Variants in ZNF131 observed in about 807,000 individuals in gnomAD.
ZNF131 encodes the protein zinc finger protein 131.
ZNF131 carries 7 observed loss-of-function variants against 60.0 expected under a neutral mutation model. The ratio of observed to expected loss-of-function variants is 0.12; its 90% CI spans 0.07 to 0.22. The LOEUF is 0.22. Among genes scored for constraint, ZNF131 ranks in the 10% least tolerant of loss-of-function variants. The pLI is 1.00. For synonymous variants in ZNF131, 257 were observed against 253.2 expected (o/e 1.01, Z -0.14); for missense variants, 493 against 740.9 (o/e 0.67, Z 3.88).
chr5:43,142,216 G>A (rs1368017035), intron 4 of ZNF131, among the ~76,000 whole-genome samples: 5 of 150,828 alleles, frequency 3.3e-5, no homozygotes, highest in African/African-American at 9.7e-5. Flanking sequence ...TGTGGCGGGC[G>A]CCTGTAATCC....
chr5:43,143,614 C>A, intron 4 of ZNF131: 1 of 227,130 alleles, frequency 4.4e-6, no homozygotes, highest in South Asian at 9.1e-5. Context: ...GTGTGTATGG[C>A]CACTGAAGTC....
chr5:43,162,058 A>T, intron 5 of ZNF131, 127 bp downstream of exon 5: 2 of 879,366 alleles, frequency 2.3e-6, no homozygotes, highest in Non-Finnish European at 3.4e-6. Context: ...TGTGTAGGCT[A>T]AGTACACGTT....
At chr5:43,131,280 G>A (rs758500032) in intron 3 of ZNF131, among the ~76,000 whole-genome samples, 1 of 150,584 alleles carries the variant, frequency 6.6e-6, no homozygotes, top group Non-Finnish European at 1.5e-5. Flanking sequence ...TCAAGCGATT[G>A]TCCTGCCTCA....
chr5:43,124,827 C>T (rs11745810), intron 3 of ZNF131: 1 of 151,986 alleles, frequency 6.6e-6, no homozygotes, highest in Non-Finnish European at 1.5e-5. Flanking sequence ...TAAACAGGGT[C>T]CAGTCTAAGA....
At chr5:43,123,537 C>G (rs1050025842) in intron 3 of ZNF131, 6 of 349,774 alleles carry the variant, frequency 1.7e-5, no homozygotes, top group African/African-American at 2.1e-5. Context: ...GTTGAATGAT[C>G]TGCCAGGAAA....
chr5:43,148,037 A>G (rs1208768524), intron 4 of ZNF131, among the ~76,000 whole-genome samples: 2 of 142,828 alleles, frequency 1.4e-5, no homozygotes, highest in Non-Finnish European at 3.1e-5. Flanking sequence ...CTGAGCGACA[A>G]GAGTGCTTTT....
chr5:43,161,205 G>T, intron 4 of ZNF131, 44 bp from the exon 5 acceptor site: 2 of 1,510,166 alleles, frequency 1.3e-6, no homozygotes, highest in Non-Finnish European at 1.8e-6. Flanking sequence ...AGCCTGGTAG[G>T]ATCTTCTTAT....
chr5:43,137,175 A>G (rs1195462344), intron 3 of ZNF131, among the ~76,000 whole-genome samples: 1 of 152,206 alleles, frequency 6.6e-6, no homozygotes, highest in Non-Finnish European at 1.5e-5. Flanking sequence ...TGTGACGTCA[A>G]AAGCACAGCC....
chr5:43,138,512 CGTG>C (rs1197361396), intron 3 of ZNF131, among the ~76,000 whole-genome samples: 5 of 151,988 alleles, frequency 3.3e-5, no homozygotes, highest in Admixed American at 3.3e-4. Flanking sequence ...ATTAGCCAGG[CGTG>C]GTGGTACATG....
chr5:43,160,723 G>A (rs185612634), intron 4 of ZNF131, among the ~76,000 whole-genome samples: 27 of 127,326 alleles, frequency 2.1e-4, no homozygotes, highest in Admixed American at 4.0e-4. Flanking sequence ...CGCTCTTGTC[G>A]CCCAGGCTGG....
At chr5:43,121,970 T>G in intron 1 of ZNF131, 69 bp from the exon 2 acceptor site, 1 of 1,509,940 alleles carries the variant, frequency 6.6e-7, no homozygotes, top group South Asian at 1.2e-5. Flanking sequence ...TGTTGTTGTT[T>G]TATGCTTTAG....
intron 3 of ZNF131, among the ~76,000 whole-genome samples, chr5:43,131,221 G>A (rs1745310644): frequency 6.6e-6 from 1 of 151,812 alleles, no homozygotes; most frequent in African/African-American, 2.4e-5. Context: ...TGCCCAAGCT[G>A]GAGTGCAAAG....
intron 3 of ZNF131, among the ~76,000 whole-genome samples, chr5:43,130,263 C>A (rs1318941716): frequency 3.0e-5 from 1 of 33,156 alleles, no homozygotes; most frequent in Non-Finnish European, 5.1e-5. Flanking sequence ...GACTCTGTCT[C>A]CAAAAAAAAA....
At chr5:43,173,535 A>G (rs1268891291) in intron 6 of ZNF131, 87 bp downstream of exon 6, 1 of 1,506,326 alleles carries the variant, frequency 6.6e-7, no homozygotes, top group East Asian at 2.3e-5. Context: ...AGTCTCAAGC[A>G]AAGGTATAGG....
chr5:43,164,997 C>T (rs933680349), intron 5 of ZNF131, among the ~76,000 whole-genome samples: 2 of 152,128 alleles, frequency 1.3e-5, no homozygotes, highest in African/African-American at 4.8e-5. Flanking sequence ...GTTGCCCAGG[C>T]TGGAGTACAG....
At chr5:43,121,168 G>T in intron 1 of ZNF131, 45 bp downstream of exon 1, 1 of 153,630 alleles carries the variant, frequency 6.5e-6, no homozygotes, top group Non-Finnish European at 1.4e-5. Context: ...GGGCGGGGCA[G>T]GACGGGGCGG....
chr5:43,159,716 A>G (rs1031735681), intron 4 of ZNF131, among the ~76,000 whole-genome samples: 1 of 149,044 alleles, frequency 6.7e-6, no homozygotes, highest in Non-Finnish European at 1.5e-5. Flanking sequence ...AAAAAAAACC[A>G]AACAAAAAAT....
At chr5:43,167,592 G>C (rs1214352929) in intron 5 of ZNF131, among the ~76,000 whole-genome samples, 1 of 151,988 alleles carries the variant, frequency 6.6e-6, no homozygotes, top group Non-Finnish European at 1.5e-5. Context: ...TGTAATCTGT[G>C]GCTTGATTTG....
intron 4 of ZNF131, among the ~76,000 whole-genome samples, chr5:43,147,332 G>A (rs1055880005): frequency 6.6e-6 from 1 of 152,084 alleles, no homozygotes; most frequent in Non-Finnish European, 1.5e-5. Flanking sequence ...AAGTGGAATA[G>A]AGCTTAGTTG....
Sources: allele counts gnomAD v4.1 joint callset (sites outside exome capture counted in the v4.1 genomes callset), GRCh38; gene constraint gnomAD v4.1.1; transcripts MANE v1.5; gene names NCBI Gene and HGNC (gene_info 2026-07-23, HGNC 2026-07-21).